TENM3: variants seen among roughly 807,000 people sequenced by gnomAD.
The protein encoded by TENM3 is teneurin-3.
In TENM3, 63 loss-of-function variants were observed where a neutral mutation model predicts 255.1. That is an observed-to-expected ratio of 0.25 (90% confidence interval 0.20 to 0.30). TENM3 has a LOEUF of 0.30. TENM3 is among the 10% of genes least tolerant of loss of function. The probability of loss-of-function intolerance (pLI) is 1.00; values close to 1 mark genes in which losing one functional copy is unlikely to be tolerated. For synonymous variants in TENM3, 1,306 were observed against 1,322.3 expected, an observed-to-expected ratio of 0.99 and a Z score of 0.27; for missense variants, 2,929 against 3,461.1, an observed-to-expected ratio of 0.85 and a Z score of 3.86.
chr4:182,405,249 A>G (rs539524015), intron 3 of TENM3, among the ~76,000 whole-genome samples: 3 of 152,254 alleles, frequency 2.0e-5, no homozygotes, highest in East Asian at 1.9e-4. Flanking sequence ...CCTCCCCGCT[A>G]CAATCTATCG....
At chr4:181,541,192 A>C in the TENM3 span, among the ~76,000 whole-genome samples, 1 of 152,174 alleles carries the variant, frequency 6.6e-6, no homozygotes. Context: ...TGGGCAATAT[A>C]ATGAGATTCT....
At chr4:182,230,940 C>G (rs551746404) in intron 1 of TENM3, among the ~76,000 whole-genome samples, 1 of 149,068 alleles carries the variant, frequency 6.7e-6, no homozygotes, top group East Asian at 2.0e-4. Flanking sequence ...GCAGCCCTGC[C>G]TCATAATTCT....
chr4:182,536,559 T>G (rs1013845873), intron 3 of TENM3, among the ~76,000 whole-genome samples: 3 of 152,206 alleles, frequency 2.0e-5, no homozygotes, highest in African/African-American at 4.8e-5. Flanking sequence ...TTTTTTTTCT[T>G]TCCTTCTGCC....
At chr4:181,643,803 G>A in the TENM3 span, among the ~76,000 whole-genome samples, 1 of 152,134 alleles carries the variant, frequency 6.6e-6, no homozygotes, top group African/African-American at 2.4e-5. Flanking sequence ...GTGGGCTGGT[G>A]TGGTGGCTCA....
the TENM3 span, among the ~76,000 whole-genome samples, chr4:181,919,091 G>T: frequency 2.6e-5 from 4 of 152,170 alleles, no homozygotes; most frequent in Non-Finnish European, 5.9e-5. Flanking sequence ...GACCCAGTGC[G>T]AGAGGATAAG....
chr4:182,349,839 A>G, intron 3 of TENM3: 1 of 383,860 alleles, frequency 2.6e-6, no homozygotes, highest in Non-Finnish European at 5.1e-6. Context: ...TTTTTATACT[A>G]GCTTGAGATG....
the TENM3 span, among the ~76,000 whole-genome samples, chr4:181,615,281 A>C: frequency 6.6e-6 from 1 of 152,146 alleles, no homozygotes; most frequent in Non-Finnish European, 1.5e-5. Context: ...TGGTTATGAA[A>C]GATCTACCAG....
At chr4:181,880,226 A>G in the TENM3 span, among the ~76,000 whole-genome samples, 5 of 152,148 alleles carry the variant, frequency 3.3e-5, no homozygotes, top group Non-Finnish European at 4.4e-5. Context: ...CTGATAACCT[A>G]TGCAGATGAT....
the TENM3 span, among the ~76,000 whole-genome samples, chr4:181,840,222 A>G: frequency 1.4e-4 from 22 of 152,016 alleles, no homozygotes; most frequent in Non-Finnish European, 8.8e-5. Context: ...TTACACATTT[A>G]TATTGAAAGT....
At position 182,346,995 on chromosome 4, in the gene TENM3, C is replaced by CGGG. The variant is rs11373586; in HGVS notation, c.511+72_511+74dup. The CGGG allele has an allele frequency of 9.9e-4, 839 of 845,944 alleles. 5 individuals are homozygous for CGGG. The highest frequency in any genetic ancestry group is 1.8e-3 in the South Asian group (71 of 39,422). The allele number at this position is 845,944 out of a possible 1,614,324, so 52.4% of individuals were successfully genotyped here. A position where few individuals can be genotyped will look rare whatever the true frequency, so the allele number is the denominator to read the frequency against. On this transcript the variant is annotated intron_variant, in intron 3 of 27. Transcript: ENST00000511685. ...CTTCTGTCTGTTTTGGTTGACTCCG[C>CGGG]GGGGGGGGATGTTTTTCTTTCTCTC... is the stretch of plus-strand genomic sequence containing the variant.
the TENM3 span, among the ~76,000 whole-genome samples, chr4:181,859,037 G>T: frequency 6.6e-6 from 1 of 151,986 alleles, no homozygotes; most frequent in Non-Finnish European, 1.5e-5. Flanking sequence ...TGAGGGGCGT[G>T]TTGGTCTTGT....
chr4:181,476,853 G>A, the TENM3 span, among the ~76,000 whole-genome samples: 49 of 152,146 alleles, frequency 3.2e-4, no homozygotes, highest in Non-Finnish European at 2.9e-4. Flanking sequence ...TGTGCAGAAG[G>A]ACAGTCTCTG....
At chr4:181,793,668 C>T in the TENM3 span, among the ~76,000 whole-genome samples, 1 of 152,120 alleles carries the variant, frequency 6.6e-6, no homozygotes, top group Non-Finnish European at 1.5e-5. Flanking sequence ...CCTTTGCTCC[C>T]CAGCTATGAT....
intron 3 of TENM3, among the ~76,000 whole-genome samples, chr4:182,412,442 T>C (rs1375337032): frequency 1.3e-5 from 2 of 152,086 alleles, no homozygotes; most frequent in African/African-American, 4.8e-5. Context: ...AATTTATAAA[T>C]AAAATTAATG....
intron 5 of TENM3, among the ~76,000 whole-genome samples, chr4:182,636,360 A>AGTAAG (rs1343269616): frequency 6.6e-6 from 1 of 152,214 alleles, no homozygotes; most frequent in African/African-American, 2.4e-5. Flanking sequence ...CAGTATAGAA[A>AGTAAG]GTAAGCTCCT....
chr4:181,811,283 T>A, the TENM3 span, among the ~76,000 whole-genome samples: 1 of 152,192 alleles, frequency 6.6e-6, no homozygotes, highest in African/African-American at 2.4e-5. Flanking sequence ...ACATCTCACA[T>A]ATATTTACTG....
At chr4:182,148,195 T>C (rs1191918743) in intron 1 of TENM3, among the ~76,000 whole-genome samples, 1 of 152,134 alleles carries the variant, frequency 6.6e-6, no homozygotes, top group Admixed American at 6.5e-5. Flanking sequence ...TTTTGAGTGC[T>C]GTTGTAATCA....
intron 1 of TENM3, among the ~76,000 whole-genome samples, chr4:182,153,600 C>T (rs1036646323): frequency 6.6e-6 from 1 of 152,100 alleles, no homozygotes; most frequent in Admixed American, 6.5e-5. Context: ...AGTTCAGCTC[C>T]ACTATGCAGT....
the TENM3 span, among the ~76,000 whole-genome samples, chr4:181,867,065 A>G: frequency 6.6e-6 from 1 of 152,082 alleles, no homozygotes; most frequent in Non-Finnish European, 1.5e-5. Context: ...GCATTATTAT[A>G]ATCCTCTGCT....
Sources: allele counts gnomAD v4.1 joint callset (sites outside exome capture counted in the v4.1 genomes callset), GRCh38; gene constraint gnomAD v4.1.1; transcripts MANE v1.5; gene names NCBI Gene and HGNC (gene_info 2026-07-23, HGNC 2026-07-21).